The following ZNF521 variants were observed in gnomAD, a reference collection of about 807,000 sequenced individuals.
ZNF521 encodes zinc finger protein 521.
A neutral mutation model predicts 105.5 loss-of-function variants in ZNF521; 14 were observed. That is an observed-to-expected ratio of 0.13 (90% CI 0.09 to 0.21). The LOEUF is 0.21. Ranked by LOEUF, ZNF521 falls within the 10% of genes least tolerant of loss-of-function variation. ZNF521 has a pLI of 1.00. For missense variants in ZNF521, 1,233 were observed against 1,629.7 expected, an observed-to-expected ratio of 0.76 and a Z score of 4.19; for synonymous variants, 635 against 606.0, an observed-to-expected ratio of 1.05 and a Z score of -0.70.
chr18:25,152,790 C>T (rs1313598412), intron 5 of ZNF521, among the ~76,000 whole-genome samples: 1 of 152,078 alleles, frequency 6.6e-6, no homozygotes, highest in Non-Finnish European at 1.5e-5. Context: ...AATTTAATCT[C>T]TTTTTTTCTG....
chr18:25,205,141 TAAAAAAAAAAAAAAAAAA>T (rs34563599), intron 4 of ZNF521, among the ~76,000 whole-genome samples: 1 of 74,934 alleles, frequency 1.3e-5, no homozygotes, highest in Non-Finnish European at 2.3e-5. Flanking sequence ...GTAGTGAAGG[TAAAAAAAAAAAAAAAAAA>T]AAAAAAAAAA....
chr18:25,142,113 A>C (rs4519409), intron 5 of ZNF521, among the ~76,000 whole-genome samples: 100,575 of 151,948 alleles, frequency 0.66, 33,511 homozygotes, highest in Middle Eastern at 0.77. Context: ...AACATATGGA[A>C]GAATGAGCTT....
intron 5 of ZNF521, among the ~76,000 whole-genome samples, chr18:25,136,362 C>T (rs915288510): frequency 2.6e-5 from 4 of 152,048 alleles, no homozygotes; most frequent in Admixed American, 6.6e-5. Context: ...GGTAAGAAAA[C>T]AAGAGTCAGA....
rs184277428 is a variant in ZNF521, at chr18:25,320,704, A to G, written c.220+1304T>C. Among the ~76,000 whole-genome samples, 185 of 152,276 alleles carry G rather than the reference A, an allele frequency of 1.2e-3. 2 individuals are homozygous for G. Among genetic ancestry groups the G allele is most frequent in the African/African-American group, 4.4e-3 (182 of 41,564 alleles). On this transcript the variant is annotated intron_variant, in intron 3 of 7. Transcript: ENST00000361524. ...AAATGATATGGAAGTTCCTTATATT[A>G]TTTTTTCAAGTTTTCTGTATGTTTG...
At chr18:25,287,566 C>T (rs564885971) in intron 3 of ZNF521, among the ~76,000 whole-genome samples, 3 of 151,574 alleles carry the variant, frequency 2.0e-5, no homozygotes, top group Non-Finnish European at 4.4e-5. Context: ...TAAAAACCCT[C>T]TTTATGAAAC....
chr18:25,265,434 C>G (rs1909180769), intron 3 of ZNF521, among the ~76,000 whole-genome samples: 1 of 152,186 alleles, frequency 6.6e-6, no homozygotes, highest in Middle Eastern at 3.2e-3. Context: ...TACCCAGTTT[C>G]TCTCTCCCCC....
intron 3 of ZNF521, among the ~76,000 whole-genome samples, chr18:25,281,439 G>A (rs1443710296): frequency 1.3e-5 from 2 of 152,208 alleles, no homozygotes; most frequent in Admixed American, 1.3e-4. Context: ...CACAAGTCAA[G>A]AAGTTTGTTC....
chr18:25,105,087 G>A (rs1293195198), intron 5 of ZNF521, among the ~76,000 whole-genome samples: 2 of 152,122 alleles, frequency 1.3e-5, no homozygotes, highest in Admixed American at 6.6e-5. Context: ...TGAAGAGACA[G>A]ACTGGCATTC....
chr18:25,216,610 G>A (rs943257184), intron 4 of ZNF521, among the ~76,000 whole-genome samples: 1 of 152,186 alleles, frequency 6.6e-6, no homozygotes, highest in African/African-American at 2.4e-5. Flanking sequence ...CCAGGCTGGA[G>A]TACAACGATG....
chr18:25,117,046 C>CAT (rs1292172354), intron 5 of ZNF521, among the ~76,000 whole-genome samples: 54 of 78,580 alleles, frequency 6.9e-4, no homozygotes, highest in Admixed American at 3.9e-3. Flanking sequence ...CACACACACA[C>CAT]ATATATATAC....
At chr18:25,108,015 C>T (rs978579926) in intron 5 of ZNF521, among the ~76,000 whole-genome samples, 1 of 152,198 alleles carries the variant, frequency 6.6e-6, no homozygotes, top group African/African-American at 2.4e-5. Context: ...AAGGCTTGTG[C>T]CTTCTCCATC....
chr18:25,227,014 G>C lies in ZNF521; in HGVS notation c.904C>G (p.Gln302Glu), dbSNP rs374247848. The stretch of plus-strand genomic sequence containing the variant: ...TTCTTCTTCTCCCCGCTATGCACCT[G>C]CTCCATGTGGTTCATGAGGGAGGTC... ...EETSLMNHME[Q>E]VHSGEKKNSC... Residue 302 changes from glutamine (Q) to glutamate (E), a missense_variant, in exon 4 of 8, where the codon CAG (glutamine) becomes GAG (glutamate). By Grantham distance (29) the Gln-to-Glu change is conservative. This residue lies in a region of ZNF521 where 380 missense variants were observed against 478.0 expected (regional missense o/e 0.80). Transcript: ENST00000361524. The surrounding 1 kb of genome is among the most constrained non-coding windows in gnomAD (Gnocchi z 5.7). The C allele has an allele frequency of 3.1e-6, 5 of 1,614,148 alleles. No homozygotes were observed. The African/African-American group carries it at 5.3e-5, about 17-fold the overall frequency.
chr18:25,079,416 G>C (rs931098611), intron 7 of ZNF521, among the ~76,000 whole-genome samples: 4 of 152,150 alleles, frequency 2.6e-5, no homozygotes, highest in Non-Finnish European at 5.9e-5. Flanking sequence ...AGTCAGCGAC[G>C]GGTTTAAGGC....
chr18:25,111,110 T>C (rs1311577557), intron 5 of ZNF521, among the ~76,000 whole-genome samples: 1 of 152,046 alleles, frequency 6.6e-6, no homozygotes, highest in Non-Finnish European at 1.5e-5. Context: ...GCTAGTGTTC[T>C]ATTTTCTCGA....
intron 3 of ZNF521, among the ~76,000 whole-genome samples, chr18:25,244,284 A>G (rs199773192): frequency 1.7e-3 from 113 of 67,208 alleles, no homozygotes; most frequent in African/African-American, 6.3e-3. Flanking sequence ...ATGCATGTGC[A>G]CACACACACA....
At chr18:25,336,210 C>T (rs1913872601) in intron 2 of ZNF521, among the ~76,000 whole-genome samples, 1 of 152,230 alleles carries the variant, frequency 6.6e-6, no homozygotes. Context: ...CTAGACAACA[C>T]AGAATCTCTC....
intron 3 of ZNF521, among the ~76,000 whole-genome samples, chr18:25,290,005 CA>C (rs111722648): frequency 2.7e-5 from 4 of 150,768 alleles, no homozygotes; most frequent in East Asian, 3.9e-4. Flanking sequence ...AAATACAGTG[CA>C]AAAAAAAGAC....
rs2035425815 is a variant in ZNF521 at position 25,170,359 on chromosome 18, G to A, written c.3658+24801C>T. ...TGATTGGTGGAAAATCAATTGCACT[G>A]TGCTTGGCAATGACTGACTTCCCAT... On this transcript the variant is annotated intron_variant, in intron 5 of 7. Transcript: ENST00000361524. Among the ~76,000 whole-genome samples the A allele has an allele frequency of 2.6e-5, 4 of 152,140 alleles. No homozygotes were observed. In the South Asian group the frequency reaches 8.3e-4, roughly 32 times the overall value.
At chr18:25,197,037 A>G (rs1489212247) in intron 4 of ZNF521, among the ~76,000 whole-genome samples, 2 of 151,778 alleles carry the variant, frequency 1.3e-5, no homozygotes, top group African/African-American at 2.4e-5. Flanking sequence ...CCAGTCTAAT[A>G]ATAAAGAATA....
Sources: allele counts gnomAD v4.1 joint callset (sites outside exome capture counted in the v4.1 genomes callset), GRCh38; gene constraint gnomAD v4.1.1; regional missense constraint gnomAD v4.1.1; non-coding constraint Gnocchi (gnomAD v3.1); transcripts MANE v1.5; gene names NCBI Gene and HGNC (gene_info 2026-07-23, HGNC 2026-07-21).